Variants in VPS41 observed in about 807,000 individuals in gnomAD.
VPS41 encodes vacuolar protein sorting-associated protein 41 homolog.
A neutral mutation model predicts 130.9 loss-of-function variants in VPS41; 85 were observed. The ratio of observed to expected loss-of-function variants is 0.65; its 90% CI spans 0.55 to 0.78. VPS41 has a LOEUF of 0.78. Ranked by LOEUF, VPS41 falls within the 30% of genes least tolerant of loss-of-function variation. VPS41 has a pLI of 0.00. For missense variants in VPS41, 874 were observed against 1,018.7 expected, an observed-to-expected ratio of 0.86 and a Z score of 1.93; for synonymous variants, 335 against 332.9, an observed-to-expected ratio of 1.01 and a Z score of -0.07.
chr7:38,825,419 TA>T (rs1446951310), intron 5 of VPS41, among the ~76,000 whole-genome samples: 3 of 152,152 alleles, frequency 2.0e-5, no homozygotes, highest in African/African-American at 7.2e-5. Context: ...CTAAAGATAA[TA>T]AAATCCAAAA....
At position 38,742,198 on chromosome 7, in the gene VPS41, A is replaced by C. The variant is rs946607005; in HGVS notation, c.2123-77T>G. On this transcript the variant is annotated intron_variant, in intron 24 of 28. Coordinates refer to ENST00000310301, the MANE Select transcript of VPS41 (RefSeq NM_014396.4). ...TTTTATTTGCACATAATTTGCATATAATGCAATTTTAGATCAAAAGTAACT... is the reference window on the plus strand; with the variant it reads ...TTTTATTTGCACATAATTTGCATATCATGCAATTTTAGATCAAAAGTAACT... 2.9e-6 allele frequency: 4 copies of C among 1,378,964 alleles called. No homozygotes were observed. The African/African-American group carries it at 5.9e-5, about 20-fold the overall frequency. The allele number at this position is 1,378,964 out of a possible 1,614,324, so 85.4% of individuals were successfully genotyped here. A position where few individuals can be genotyped will look rare whatever the true frequency, so the allele number is the denominator to read the frequency against.
At chr7:38,902,510 T>C (rs1787167151) in intron 1 of VPS41, among the ~76,000 whole-genome samples, 1 of 152,208 alleles carries the variant, frequency 6.6e-6, no homozygotes, top group African/African-American at 2.4e-5. Flanking sequence ...TACTCCTGAC[T>C]GTATGTCTAC....
intron 2 of VPS41, among the ~76,000 whole-genome samples, chr7:38,874,645 A>G (rs1460202299): frequency 6.6e-6 from 1 of 152,204 alleles, no homozygotes; most frequent in African/African-American, 2.4e-5. Context: ...ATAGGGAAAC[A>G]CTAATATCCT....
At chr7:38,886,906 C>T (rs1181066567) in intron 2 of VPS41, among the ~76,000 whole-genome samples, 5 of 152,288 alleles carry the variant, frequency 3.3e-5, no homozygotes, top group Middle Eastern at 3.4e-3. Context: ...GGACCTCTAG[C>T]AAACTGCAAC....
intron 3 of VPS41, among the ~76,000 whole-genome samples, chr7:38,867,491 G>A (rs964563819): frequency 1.3e-5 from 2 of 151,790 alleles, no homozygotes; most frequent in Non-Finnish European, 2.9e-5. Flanking sequence ...GTTGCAGTGA[G>A]CCCAGATTGC....
At chr7:38,898,005 G>A in intron 2 of VPS41, 86 bp downstream of exon 2, 1 of 1,277,076 alleles carries the variant, frequency 7.8e-7, no homozygotes, top group African/African-American at 1.5e-5. Flanking sequence ...TCAGCCCCTG[G>A]GAATGTTGCA....
chr7:38,776,036 G>A (rs10243110), intron 11 of VPS41, among the ~76,000 whole-genome samples: 43,529 of 151,956 alleles, frequency 0.29, 7,052 homozygotes, highest in Non-Finnish European at 0.38. Context: ...GAATGGGGCC[G>A]TCCTCAGCTT....
At chr7:38,833,086 T>C (rs1785424419) in intron 4 of VPS41, among the ~76,000 whole-genome samples, 1 of 152,212 alleles carries the variant, frequency 6.6e-6, no homozygotes, top group Non-Finnish European at 1.5e-5. Context: ...TACTTTTGAT[T>C]CCTGTCTTTA....
At chr7:38,842,936 C>T (rs887250346) in intron 4 of VPS41, among the ~76,000 whole-genome samples, 2 of 152,180 alleles carry the variant, frequency 1.3e-5, no homozygotes, top group Non-Finnish European at 2.9e-5. Flanking sequence ...ACTTTAAACT[C>T]AGCATCTGGC....
chr7:38,741,569 T>A (rs1329843425), intron 25 of VPS41, among the ~76,000 whole-genome samples: 2 of 152,222 alleles, frequency 1.3e-5, no homozygotes, highest in East Asian at 3.8e-4. Flanking sequence ...AATTATTACC[T>A]TACTGAAAAA....
chr7:38,903,909 A>G (rs1164563653), intron 1 of VPS41, among the ~76,000 whole-genome samples: 1 of 152,092 alleles, frequency 6.6e-6, no homozygotes, highest in Non-Finnish European at 1.5e-5. Flanking sequence ...AAAAATCTTG[A>G]CGTGTGCCCC....
At chr7:38,771,312 G>C in intron 13 of VPS41, 58 bp from the exon 14 acceptor site, 4 of 1,232,296 alleles carry the variant, frequency 3.2e-6, no homozygotes, top group Non-Finnish European at 4.6e-6. Flanking sequence ...AGGAGGGAGG[G>C]AAAATGGGAG....
intron 2 of VPS41, among the ~76,000 whole-genome samples, chr7:38,871,479 A>C (rs1786358989): frequency 6.6e-6 from 1 of 152,228 alleles, no homozygotes; most frequent in South Asian, 2.1e-4. Flanking sequence ...AGAAAAAACA[A>C]ACAAACCCTA....
intron 21 of VPS41, among the ~76,000 whole-genome samples, chr7:38,754,341 G>A (rs2115717387): frequency 6.6e-6 from 1 of 152,292 alleles, no homozygotes; most frequent in African/African-American, 2.4e-5. Context: ...GGCAACTACA[G>A]AGGGAGAGTG....
At chr7:38,868,878 G>A (rs1786285234) in intron 3 of VPS41, among the ~76,000 whole-genome samples, 1 of 152,146 alleles carries the variant, frequency 6.6e-6, no homozygotes. Flanking sequence ...CGACAGAGTT[G>A]CCAAAACCCG....
chr7:38,729,133 A>T (rs1795608187), intron 25 of VPS41, among the ~76,000 whole-genome samples: 2 of 152,148 alleles, frequency 1.3e-5, no homozygotes, highest in Non-Finnish European at 2.9e-5. Context: ...CCTTATACAG[A>T]TCCTCTTGGG....
chr7:38,813,223 A>G (rs1263313232), intron 7 of VPS41, among the ~76,000 whole-genome samples: 3 of 152,230 alleles, frequency 2.0e-5, no homozygotes, highest in African/African-American at 7.2e-5. Flanking sequence ...ATGCCACAAC[A>G]TTGATGTACC....
intron 12 of VPS41, among the ~76,000 whole-genome samples, chr7:38,772,965 C>T (rs1213646769): frequency 6.6e-6 from 1 of 151,898 alleles, no homozygotes; most frequent in African/African-American, 2.4e-5. Context: ...ACGTTTAATA[C>T]ATCAACACTC....
chr7:38,882,465 A>G (rs1786634130), intron 2 of VPS41, among the ~76,000 whole-genome samples: 2 of 152,308 alleles, frequency 1.3e-5, no homozygotes, highest in South Asian at 4.1e-4. Context: ...ATCCAGTTTC[A>G]TGGTTTTGAA....
Sources: gnomAD v4.1 joint callset for allele counts (sites outside exome capture counted in the v4.1 genomes callset) on GRCh38, gnomAD v4.1.1 for gene constraint, MANE v1.5 for transcripts, NCBI Gene and HGNC (gene_info 2026-07-23, HGNC 2026-07-21) for gene names.